The following DEFB129 variants were observed in gnomAD, a reference collection of about 807,000 sequenced individuals.
DEFB129 encodes the protein beta-defensin 129.
Under a neutral mutation model 2.5 loss-of-function variants are expected in DEFB129, and 2 were observed. That is an observed-to-expected ratio of 0.80 (90% CI 0.33 to 2.53). The LOEUF (loss-of-function observed/expected upper bound fraction) is 2.53. DEFB129 is among the 30% of genes most tolerant of loss of function. DEFB129 has a pLI of 0.11. For missense variants in DEFB129, 177 were observed against 216.9 expected, an observed-to-expected ratio of 0.82 and a Z score of 1.16; for synonymous variants, 76 against 74.4, an observed-to-expected ratio of 1.02 and a Z score of -0.11.
chr20:227,432 A>T, intron 1 of DEFB129, 86 bp downstream of exon 1: 1 of 1,461,332 alleles, frequency 6.8e-7, no homozygotes, highest in Non-Finnish European at 9.6e-7. Flanking sequence ...CAAAGAGAGG[A>T]GACTGAAAGA....
At chr20:227,432 A>G (rs2011293713) in intron 1 of DEFB129, 86 bp downstream of exon 1, 3 of 1,461,214 alleles carry the variant, frequency 2.1e-6, no homozygotes, top group Non-Finnish European at 2.9e-6. Context: ...CAAAGAGAGG[A>G]GACTGAAAGA....
Position 229,548 on chromosome 20 carries a change from T to A in DEFB129, c.329T>A (p.Phe110Tyr), listed in dbSNP as rs2011317224. Residue 110 changes from phenylalanine (F) to tyrosine (Y), a missense_variant, in exon 2 of 2, where the codon TTT becomes TAT. Physicochemically the swap from Phe to Tyr is conservative, Grantham distance 22. Transcript: ENST00000246105. ...SVLPQIKSTSFFANTNFVIIP... is the reference protein window; with the variant it reads ...SVLPQIKSTSYFANTNFVIIP... ...CTCCCCCAAATCAAAAGCACTAGCT[T>A]TTTTGCTAATACCAACTTTGTCATC... 1 of 1,614,048 alleles carries A rather than the reference T, an allele frequency of 6.2e-7. No homozygotes were observed. Among genetic ancestry groups the A allele is most frequent in the African/African-American group, 1.3e-5 (1 of 74,934 alleles).
intron 1 of DEFB129, 35 bp downstream of exon 1, chr20:227,381 G>T: frequency 6.2e-7 from 1 of 1,611,262 alleles, no homozygotes; most frequent in Non-Finnish European, 8.5e-7. Flanking sequence ...ATGGGTAGAT[G>T]AGAGGAACCA....
intron 1 of DEFB129, among the ~76,000 whole-genome samples, 197 bp downstream of exon 1, chr20:227,543 C>T (rs2011294852): frequency 6.6e-6 from 1 of 152,212 alleles, no homozygotes. Flanking sequence ...CCAGTGGAAA[C>T]ACCCAGGAAG....
In DEFB129 at chr20:227,364, G is replaced by A. The variant is rs755383806; in HGVS notation, c.58+18G>A. On this transcript the variant is annotated intron_variant, in intron 1 of 1. Coordinates refer to ENST00000246105, the MANE Select transcript of DEFB129 (RefSeq NM_080831.4). ...GAACACAGGTAATGTGGATTCCCAA[G>A]TTTAAGATGGGTAGATGAGAGGAAC... The A allele has an allele frequency of 1.2e-6, 2 of 1,613,858 alleles. No individual in the cohort carries two copies. Among genetic ancestry groups the A allele is most frequent in the Admixed American group, 1.7e-5 (1 of 60,028 alleles).
Position 229,424 on chromosome 20 carries a change from T to C in DEFB129, c.205T>C (p.Tyr69His). ...VVKLIKNYLQ[Y>H]GTPNVLNEDV... is the part of the protein sequence containing the mutation. The stretch of plus-strand genomic sequence containing the variant: ...TAAATTGATTAAAAACTACCTGCAA[T>C]ATGGAACACCAAATGTACTTAATGA... Residue 69 changes from tyrosine (Y) to histidine (H), a missense_variant, in exon 2 of 2, where the codon TAT (tyrosine) becomes CAT (histidine). Transcript: ENST00000246105. 6.2e-7 allele frequency: 1 copy of C among 1,614,146 alleles called. No homozygotes were observed. The highest frequency in any genetic ancestry group is 8.5e-7 in the Non-Finnish European group (1 of 1,180,024).
At chr20:227,758 G>A (rs957840758) in intron 1 of DEFB129, among the ~76,000 whole-genome samples, 13 of 151,878 alleles carry the variant, frequency 8.6e-5, no homozygotes, top group African/African-American at 3.1e-4. Context: ...ATAGGTAAAT[G>A]TGTGTCATGG....
At chr20:227,984 CAAGTA>C (rs2011300799) in intron 1 of DEFB129, among the ~76,000 whole-genome samples, 1 of 152,136 alleles carries the variant, frequency 6.6e-6, no homozygotes, top group Non-Finnish European at 1.5e-5. Context: ...CTTTCAAGAT[CAAGTA>C]AACAGGCCTG....
At position 229,802 on chromosome 20, in the gene DEFB129, C is replaced by A. The variant is rs754079488; in HGVS notation, c.*31C>A. 3 of 1,580,090 alleles carry A rather than the reference C, an allele frequency of 1.9e-6. No individual in the cohort carries two copies. Among genetic ancestry groups the A allele is most frequent in the Non-Finnish European group, 2.6e-6 (3 of 1,169,186 alleles). The stretch of plus-strand genomic sequence containing the variant: ...ATCTTTCCCTTAAAACTCCAAGTTC[C>A]TCTCTATTTTTGCTATCTATAAAAT... On this transcript the variant is annotated 3_prime_UTR_variant, in exon 2 of 2. Transcript: ENST00000246105.
chr20:228,228 C>T (rs1180052099), intron 1 of DEFB129, among the ~76,000 whole-genome samples: 9 of 152,138 alleles, frequency 5.9e-5, no homozygotes, highest in East Asian at 1.9e-4. Flanking sequence ...CAAAGGGTTT[C>T]GGGGCAGGGA....
rs1351981868 is a variant in DEFB129, at chr20:229,661, AAC to A, written c.445_446del (p.Thr149GlnfsTer53). 1 of 1,614,168 alleles carries A rather than the reference AAC, an allele frequency of 6.2e-7. No homozygotes were observed. Among genetic ancestry groups the A allele is most frequent in the South Asian group, 1.1e-5 (1 of 91,074 alleles). On this transcript the variant is annotated frameshift_variant, in exon 2 of 2. Coordinates refer to ENST00000246105, the MANE Select transcript of DEFB129 (RefSeq NM_080831.4). LOFTEE classifies it low-confidence loss of function (END_TRUNC). ...ATACACTGCTACTTCTACCAAGAGT[AAC>A]ACCAAAGAAAGCAGAGATTCTGCCA... ...ITYTATSTKS[N>X]TKESRDSATA...
At chr20:227,438 A>C in intron 1 of DEFB129, 92 bp downstream of exon 1, 1 of 1,430,860 alleles carries the variant, frequency 7.0e-7, no homozygotes, top group Non-Finnish European at 9.9e-7. Context: ...GAGGAGACTG[A>C]AAGATTAGCT....
Position 229,883 on chromosome 20 carries a change from T to C in DEFB129, c.*112T>C, listed in dbSNP as rs934422319. On this transcript the variant is annotated 3_prime_UTR_variant, in exon 2 of 2. Transcript: ENST00000246105. ...ATTCAATAAACACTGTTTGAGCACC[T>C]ACAGTTTATGTAATATTATCATTCT... 2 of 1,385,574 alleles carry C rather than the reference T, an allele frequency of 1.4e-6. No homozygotes were observed. Among genetic ancestry groups the C allele is most frequent in the African/African-American group, 2.9e-5 (2 of 68,454 alleles). The allele number at this position is 1,385,574 out of a possible 1,614,324, so 85.8% of individuals were successfully genotyped here.
rs2011321788 is a variant in DEFB129, at chr20:229,791, A to C, written c.*20A>C. 6.3e-7 allele frequency: 1 copy of C among 1,587,012 alleles called. No homozygotes were observed. Among genetic ancestry groups the C allele is most frequent in the African/African-American group, 1.4e-5 (1 of 73,896 alleles). The stretch of plus-strand genomic sequence containing the variant: ...CAGTAATGTGGATCTTTCCCTTAAA[A>C]CTCCAAGTTCCTCTCTATTTTTGCT... On this transcript the variant is annotated 3_prime_UTR_variant, in exon 2 of 2. Transcript: ENST00000246105.
At position 229,266 on chromosome 20, in the gene DEFB129, T is replaced by TCC; in HGVS notation, c.59-12_59-11insCC. 6.6e-7 allele frequency: 1 copy of TCC among 1,507,328 alleles called. No individual in the cohort carries two copies. 93.4% of individuals were successfully genotyped at this position (1,507,328 alleles called of 1,614,324 possible). A position where few individuals can be genotyped will look rare whatever the true frequency, so the allele number is the denominator to read the frequency against. ...TAACCTTGGCTCAATGGCTTTCTCT[T>TCC]TTTTTATACAGAATTTATTGGCTTG... is the stretch of plus-strand genomic sequence containing the variant. On this transcript the variant is annotated splice_polypyrimidine_tract_variant and intron_variant, in intron 1 of 1. Coordinates refer to ENST00000246105, the MANE Select transcript of DEFB129 (RefSeq NM_080831.4).
At position 227,318 on chromosome 20, in the gene DEFB129, C is replaced by T. The variant is rs775599865; in HGVS notation, c.30C>T (p.Ser10=). Residue 10 remains serine (S), a synonymous_variant, in exon 1 of 2, where the codon AGC becomes AGT. Coordinates refer to ENST00000246105, the MANE Select transcript of DEFB129 (RefSeq NM_080831.4). MKLLFPIFA[S]LMLQYQVNTE... The stretch of plus-strand genomic sequence containing the variant: ...AGCTCCTTTTTCCTATCTTTGCCAG[C>T]CTCATGCTACAGTACCAGGTGAACA... 19 of 1,614,002 alleles carry T rather than the reference C, an allele frequency of 1.2e-5. No homozygotes were observed. The Admixed American group carries it at 3.2e-4, about 27-fold the overall frequency.
chr20:229,637 T>A lies in DEFB129; in HGVS notation c.418T>A (p.Tyr140Asn), dbSNP rs2011319227. The part of the protein sequence containing the change: ...ISTMTPGQIT[Y>N]TATSTKSNTK... ...CACTATGACCCCAGGACAGATCACA[T>A]ACACTGCTACTTCTACCAAGAGTAA... The change falls in exon 2 of 2, where the codon TAC becomes AAC. Residue 140 changes from tyrosine to asparagine, a missense_variant. Physicochemically the swap from Tyr to Asn is moderately radical, Grantham distance 143. Transcript: ENST00000246105. 6.2e-7 allele frequency: 1 copy of A among 1,613,982 alleles called. No homozygotes were observed. The highest frequency in any genetic ancestry group is 1.3e-5 in the African/African-American group (1 of 74,878).
rs201787009 is a variant in DEFB129 at position 229,438 on chromosome 20, T to G, written c.219T>G (p.Asn73Lys). Reference protein sequence around the residue: ...IKNYLQYGTPNVLNEDVQEML... With the variant: ...IKNYLQYGTPKVLNEDVQEML... ...ACTACCTGCAATATGGAACACCAAA[T>G]GTACTTAATGAAGACGTCCAAGAAA... The change falls in exon 2 of 2, where the codon AAT (asparagine) becomes AAG (lysine). Residue 73 changes from asparagine to lysine, a missense_variant. By Grantham distance (94) the Asn-to-Lys change is moderately conservative. Transcript: ENST00000246105. The G allele has an allele frequency of 5.5e-5, 89 of 1,614,136 alleles. No individual in the cohort carries two copies. In the Admixed American group the frequency reaches 6.2e-4, roughly 11 times the overall value.
intron 1 of DEFB129, 150 bp downstream of exon 1, chr20:227,496 T>G: frequency 1.1e-6 from 1 of 870,312 alleles, no homozygotes. Context: ...AGTCATGCAC[T>G]GATACATTCT....
Sources: gnomAD v4.1 joint callset for allele counts (sites outside exome capture counted in the v4.1 genomes callset) on GRCh38, gnomAD v4.1.1 for gene constraint, MANE v1.5 for transcripts, NCBI Gene and HGNC (gene_info 2026-07-23, HGNC 2026-07-21) for gene names.